The following ATRNL1 variants were observed in gnomAD, a reference collection of about 807,000 sequenced individuals.
ATRNL1 encodes attractin like 1.
A neutral mutation model predicts 182.7 loss-of-function variants in ATRNL1; 95 were observed. That is an observed-to-expected ratio of 0.52 (90% CI 0.44 to 0.62). The LOEUF is 0.62. Ranked by LOEUF, ATRNL1 falls within the 20% of genes least tolerant of loss-of-function variation. The probability of loss-of-function intolerance (pLI) is 0.00; values close to 1 mark genes in which losing one functional copy is unlikely to be tolerated. For missense variants in ATRNL1, 1,471 were observed against 1,679.5 expected, an observed-to-expected ratio of 0.88 and a Z score of 2.17; for synonymous variants, 576 against 568.3, an observed-to-expected ratio of 1.01 and a Z score of -0.19.
At chr10:115,510,439 C>A (rs1039173056) in intron 24 of ATRNL1, among the ~76,000 whole-genome samples, 3 of 152,008 alleles carry the variant, frequency 2.0e-5, no homozygotes, top group Non-Finnish European at 1.5e-5. Context: ...TTACCCTGAT[C>A]AGGCAGCAGC....
intron 21 of ATRNL1, among the ~76,000 whole-genome samples, chr10:115,457,503 T>C (rs1421766998): frequency 6.6e-6 from 1 of 152,004 alleles, no homozygotes; most frequent in African/African-American, 2.4e-5. Flanking sequence ...ACCTAGGAAT[T>C]TGTCTGTCTC....
intron 26 of ATRNL1, among the ~76,000 whole-genome samples, chr10:115,587,921 AG>A (rs781882269): frequency 8.3e-4 from 127 of 152,254 alleles, no homozygotes; most frequent in Non-Finnish European, 1.1e-3. Flanking sequence ...AAAGGAGAGG[AG>A]AGGAGTTTAT....
intron 28 of ATRNL1, among the ~76,000 whole-genome samples, chr10:115,924,652 C>G (rs1041922386): frequency 1.3e-5 from 2 of 152,142 alleles, no homozygotes; most frequent in African/African-American, 4.8e-5. Flanking sequence ...ATTACTGTAG[C>G]CTTGTAAGAT....
chr10:115,365,081 T>C (rs1856958541), intron 19 of ATRNL1, among the ~76,000 whole-genome samples: 1 of 149,368 alleles, frequency 6.7e-6, no homozygotes, highest in Non-Finnish European at 1.5e-5. Context: ...ATTGGAATAG[T>C]TTCAGAAGGA....
intron 8 of ATRNL1, among the ~76,000 whole-genome samples, chr10:115,206,341 G>A (rs1262360094): frequency 6.6e-6 from 1 of 151,868 alleles, no homozygotes; most frequent in Non-Finnish European, 1.5e-5. Flanking sequence ...TGAATCTTTA[G>A]GACTATTATT....
At chr10:115,857,936 C>G (rs2907573) in intron 28 of ATRNL1, among the ~76,000 whole-genome samples, 121,522 of 152,138 alleles carry the variant, frequency 0.8, 48,478 homozygotes, top group Admixed American at 0.84. Context: ...TTCTGGAATT[C>G]ACTGTTAATA....
intron 7 of ATRNL1, among the ~76,000 whole-genome samples, chr10:115,168,563 A>G (rs1342872151): frequency 6.6e-6 from 1 of 152,048 alleles, no homozygotes; most frequent in African/African-American, 2.4e-5. Context: ...CCTGTTAACT[A>G]ATGATGTTGA....
rs181383340 is a variant in ATRNL1, at chr10:115,247,919, A to G, written c.1687+6194A>G. ...TTATGTTAAGCGAAATAAGCCAGGA[A>G]CAGAAAGTTAAACACTGTATGTTTT... On this transcript the variant is annotated intron_variant, in intron 10 of 28. Coordinates refer to ENST00000355044, the MANE Select transcript of ATRNL1 (RefSeq NM_207303.4). Among the ~76,000 whole-genome samples the G allele has an allele frequency of 7.4e-3, 1,130 of 152,346 alleles. 7 individuals are homozygous for G. The highest frequency in any genetic ancestry group is 0.014 in the Middle Eastern group (4 of 294).
chr10:115,872,497 C>CA (rs1460944685), intron 28 of ATRNL1, among the ~76,000 whole-genome samples: 1 of 151,854 alleles, frequency 6.6e-6, no homozygotes, highest in Non-Finnish European at 1.5e-5. Context: ...TTCAAACGGA[C>CA]AAAAAAAGTG....
chr10:115,307,557 C>T (rs575418311), intron 17 of ATRNL1, among the ~76,000 whole-genome samples: 9 of 152,184 alleles, frequency 5.9e-5, no homozygotes, highest in Non-Finnish European at 1.2e-4. Context: ...CTACTGCGCC[C>T]GGCCTCCACA....
intron 18 of ATRNL1, among the ~76,000 whole-genome samples, chr10:115,326,524 A>G (rs1301190127): frequency 9.2e-5 from 14 of 152,268 alleles, no homozygotes; most frequent in African/African-American, 3.4e-4. Context: ...TAATTTACAG[A>G]TTCAGTGCCA....
intron 19 of ATRNL1, among the ~76,000 whole-genome samples, chr10:115,363,062 T>C (rs1338126023): frequency 2.3e-4 from 35 of 150,482 alleles, no homozygotes; most frequent in Non-Finnish European, 8.9e-5. Context: ...GGTCAAATGG[T>C]ATTTCTAGTT....
intron 10 of ATRNL1, among the ~76,000 whole-genome samples, chr10:115,258,427 G>A (rs538083478): frequency 9.2e-5 from 14 of 151,964 alleles, no homozygotes; most frequent in Non-Finnish European, 5.9e-5. Flanking sequence ...TTGTGCATGC[G>A]TCATGAAGTT....
intron 9 of ATRNL1, 82 bp downstream of exon 9, chr10:115,215,962 ATACT>A (rs1453162775): frequency 5.4e-6 from 6 of 1,107,552 alleles, no homozygotes; most frequent in African/African-American, 1.6e-5. Context: ...TGACATAGAA[ATACT>A]TACTTTATAT....
chr10:115,579,152 C>T lies in ATRNL1; in HGVS notation c.3795+29616C>T, dbSNP rs180840173. ...TATCCTAGAGACTATTACATGTGCA[C>T]TTAAGAGGAATGTGTATTCTATTAC... On this transcript the variant is annotated intron_variant, in intron 26 of 28. Transcript: ENST00000355044. 2.2e-3 allele frequency among the ~76,000 whole-genome samples: 333 copies of T among 151,752 alleles called. 3 individuals are homozygous for T. Among genetic ancestry groups the T allele is most frequent in the Middle Eastern group, 6.8e-3 (2 of 292 alleles).
intron 19 of ATRNL1, among the ~76,000 whole-genome samples, chr10:115,374,589 G>C (rs545301022): frequency 6.7e-6 from 1 of 149,110 alleles, no homozygotes; most frequent in Non-Finnish European, 1.5e-5. Context: ...GTTTATTTGA[G>C]AACGTTCTTC....
chr10:115,233,936 T>G (rs1592298536), intron 9 of ATRNL1, among the ~76,000 whole-genome samples: 3 of 151,806 alleles, frequency 2.0e-5, no homozygotes, highest in Non-Finnish European at 4.4e-5. Context: ...TTGCACATGT[T>G]TTTTTTGAGA....
chr10:115,450,515 A>G (rs1002142176), intron 21 of ATRNL1, among the ~76,000 whole-genome samples: 1 of 152,200 alleles, frequency 6.6e-6, no homozygotes, highest in African/African-American at 2.4e-5. Flanking sequence ...CAAATCAGAA[A>G]GGCAATCCCA....
chr10:115,595,665 A>T (rs1277449078), intron 26 of ATRNL1, among the ~76,000 whole-genome samples: 2 of 152,100 alleles, frequency 1.3e-5, no homozygotes, highest in African/African-American at 4.8e-5. Flanking sequence ...ATAATATTTG[A>T]TTCATTTGAG....
Sources: gnomAD v4.1 joint callset for allele counts (sites outside exome capture counted in the v4.1 genomes callset) on GRCh38, gnomAD v4.1.1 for gene constraint, MANE v1.5 for transcripts, NCBI Gene and HGNC (gene_info 2026-07-23, HGNC 2026-07-21) for gene names.